Variants in ZRANB3 observed in about 807,000 individuals in gnomAD.
The protein encoded by ZRANB3 is DNA annealing helicase and endonuclease ZRANB3.
A neutral mutation model predicts 133.8 loss-of-function variants in ZRANB3; 125 were observed. The observed-to-expected ratio is 0.93, with a 90% CI of 0.81 to 1.08. The LOEUF (loss-of-function observed/expected upper bound fraction) is 1.08. Ranked by LOEUF, ZRANB3 falls within the 50% of genes least tolerant of loss-of-function variation. The pLI is 0.00. For synonymous variants in ZRANB3, 387 were observed against 432.7 expected (o/e 0.89, Z 1.31); for missense variants, 1,229 against 1,275.5 (o/e 0.96, Z 0.56).
chr2:135,509,939 A>C lies in ZRANB3; in HGVS notation c.-7-5443T>G, dbSNP rs563480895. Among the ~76,000 whole-genome samples, 3 of 152,324 alleles carry C rather than the reference A, an allele frequency of 2.0e-5. No homozygotes were observed. In the South Asian group the frequency reaches 6.2e-4, roughly 32 times the overall value. On this transcript the variant is annotated intron_variant, in intron 1 of 20. Transcript: ENST00000264159. ...CAAACCCACTGTAAAAACAGGTTTT[A>C]GAAGTGTTTCGTGATCCAATATCAA... is the stretch of plus-strand genomic sequence containing the variant.
rs1446607422 is a variant in ZRANB3, at chr2:135,407,403, T to C, written c.162-16583A>G. ...GTGAAAATGGCCATACTGCCCAAGG[T>C]AATTTATAGATTCAATGCCATCCCC... On this transcript the variant is annotated intron_variant, in intron 2 of 20. Transcript: ENST00000264159. Among the ~76,000 whole-genome samples, 3 of 151,638 alleles carry C rather than the reference T, an allele frequency of 2.0e-5. No individual in the cohort carries two copies. In the East Asian group the frequency reaches 5.8e-4, roughly 29 times the overall value.
At chr2:135,227,446 T>C (rs1694798065) in intron 14 of ZRANB3, among the ~76,000 whole-genome samples, 1 of 152,248 alleles carries the variant, frequency 6.6e-6, no homozygotes, top group African/African-American at 2.4e-5. Flanking sequence ...ATTAATGATA[T>C]GCTAAGTGTT....
intron 2 of ZRANB3, among the ~76,000 whole-genome samples, chr2:135,457,988 T>C (rs540605917): frequency 2.0e-5 from 3 of 152,264 alleles, no homozygotes; most frequent in Non-Finnish European, 4.4e-5. Context: ...CACTGTCTCC[T>C]ACCAAGTCAC....
chr2:135,394,586 A>G (rs1233235333), intron 2 of ZRANB3, among the ~76,000 whole-genome samples: 1 of 152,168 alleles, frequency 6.6e-6, no homozygotes, highest in African/African-American at 2.4e-5. Flanking sequence ...GGAAAAGAGG[A>G]GATGTTAACT....
chr2:135,275,741 C>T lies in ZRANB3; in HGVS notation c.981G>A (p.Lys327=). The stretch of plus-strand genomic sequence containing the variant: ...TCTGAAGCATCATCTTAATATAATC[C>T]TTTACAGCACCTGCCTAAATATTAA... The part of the protein sequence containing the change: ...QTAIAKAGAV[K]DYIKMMLQND... The change falls in exon 9 of 21, where the codon AAG becomes AAA. Residue 327 remains lysine, a synonymous_variant. Transcript: ENST00000264159. 3 of 1,575,558 alleles carry T rather than the reference C, an allele frequency of 1.9e-6. No individual in the cohort carries two copies. The South Asian group carries it at 3.6e-5, about 19-fold the overall frequency.
chr2:135,219,058 T>G lies in ZRANB3; in HGVS notation c.2352+19A>C. The G allele has an allele frequency of 7.2e-7, 1 of 1,394,778 alleles. No individual in the cohort carries two copies. The highest frequency in any genetic ancestry group is 9.4e-7 in the Non-Finnish European group (1 of 1,059,754). 86.4% of individuals were successfully genotyped at this position (1,394,778 alleles called of 1,614,324 possible). The stretch of plus-strand genomic sequence containing the variant: ...TTATTTAAAGTAAATAAAGCCATTT[T>G]ATTTAAAACTATTCTTACCAGTGAG... On this transcript the variant is annotated intron_variant, in intron 16 of 20. Coordinates refer to ENST00000264159, the MANE Select transcript of ZRANB3 (RefSeq NM_032143.4).
chr2:135,327,904 T>C (rs1436565783), intron 6 of ZRANB3, among the ~76,000 whole-genome samples: 1 of 152,192 alleles, frequency 6.6e-6, no homozygotes, highest in Non-Finnish European at 1.5e-5. Flanking sequence ...AGTATTGTGA[T>C]AAAGACATAT....
intron 2 of ZRANB3, among the ~76,000 whole-genome samples, chr2:135,414,090 T>A (rs936352877): frequency 2.6e-5 from 4 of 151,458 alleles, no homozygotes; most frequent in Non-Finnish European, 5.9e-5. Flanking sequence ...CAGGATCAAA[T>A]TCACACATAA....
At chr2:135,236,200 A>G (rs1305604387) in intron 12 of ZRANB3, among the ~76,000 whole-genome samples, 1 of 152,332 alleles carries the variant, frequency 6.6e-6, no homozygotes, top group East Asian at 1.9e-4. Context: ...TGCTTCAAAG[A>G]GAATAAAATA....
At chr2:135,366,699 A>G (rs950768914) in intron 3 of ZRANB3, among the ~76,000 whole-genome samples, 18 of 152,232 alleles carry the variant, frequency 1.2e-4, no homozygotes, top group African/African-American at 4.3e-4. Flanking sequence ...AAAACTATCA[A>G]TTCTTGTAAG....
At chr2:135,466,200 T>C (rs934363021) in intron 2 of ZRANB3, among the ~76,000 whole-genome samples, 1 of 151,802 alleles carries the variant, frequency 6.6e-6, no homozygotes, top group Non-Finnish European at 1.5e-5. Flanking sequence ...CTGGCCAACA[T>C]GGTGAAACAT....
intron 2 of ZRANB3, among the ~76,000 whole-genome samples, chr2:135,478,444 C>T (rs963534100): frequency 6.6e-6 from 1 of 152,104 alleles, no homozygotes; most frequent in Admixed American, 6.5e-5. Context: ...CCACTGAATG[C>T]TATGCTGGCC....
chr2:135,419,063 G>A (rs983301452), intron 2 of ZRANB3, among the ~76,000 whole-genome samples: 29 of 146,052 alleles, frequency 2.0e-4, no homozygotes, highest in African/African-American at 6.2e-4. Flanking sequence ...TCAGCCTCCC[G>A]AGTAGCTGGG....
intron 2 of ZRANB3, among the ~76,000 whole-genome samples, chr2:135,494,069 T>C (rs916159141): frequency 1.4e-5 from 2 of 146,962 alleles, no homozygotes; most frequent in Non-Finnish European, 3.0e-5. Flanking sequence ...GAAGGATGGA[T>C]GGATGGGAAG....
At position 135,245,926 on chromosome 2, in the gene ZRANB3, C is replaced by CAAAAAAAAAAA. The variant is rs1177438717; in HGVS notation, c.1540-15010_1540-15000dup. Among the ~76,000 whole-genome samples, 74 of 19,550 alleles carry CAAAAAAAAAAA rather than the reference C, an allele frequency of 3.8e-3. 9 individuals are homozygous for CAAAAAAAAAAA. The highest frequency in any genetic ancestry group is 0.011 in the African/African-American group (37 of 3,504). 12.8% of individuals were successfully genotyped at this position (19,550 alleles called of 152,430 possible). A position where few individuals can be genotyped will look rare whatever the true frequency, so the allele number is the denominator to read the frequency against. Reference sequence around the variant, plus strand: ...GGGCAACGAGATTGAAACTCCGTCTCAAAAAAAAAAAAAAAAAAAAAAGAG... The same window carrying CAAAAAAAAAAA: ...GGGCAACGAGATTGAAACTCCGTCTCAAAAAAAAAAAAAAAAAAAAAAAAAAAAAAAAAGAG... On this transcript the variant is annotated intron_variant, in intron 12 of 20. Transcript: ENST00000264159.
At chr2:135,234,072 A>G (rs1695171636) in intron 12 of ZRANB3, among the ~76,000 whole-genome samples, 1 of 152,222 alleles carries the variant, frequency 6.6e-6, no homozygotes, top group South Asian at 2.1e-4. Context: ...AGACACGCAT[A>G]GGCTCAAAAT....
intron 8 of ZRANB3, among the ~76,000 whole-genome samples, chr2:135,297,919 ATATCC>A: frequency 3.3e-5 from 5 of 152,050 alleles, no homozygotes; most frequent in Admixed American, 3.3e-4. Flanking sequence ...TTTTTTGTCC[ATATCC>A]TGTATTGTTT....
intron 8 of ZRANB3, among the ~76,000 whole-genome samples, chr2:135,312,041 C>A (rs1033454466): frequency 2.0e-5 from 3 of 151,832 alleles, no homozygotes; most frequent in Admixed American, 2.0e-4. Context: ...ACAGGAATAT[C>A]TCTATTTTCA....
intron 8 of ZRANB3, among the ~76,000 whole-genome samples, chr2:135,300,385 C>A (rs114454588): frequency 0.01 from 1,523 of 152,220 alleles, 23 homozygotes; most frequent in African/African-American, 0.035. Context: ...AAACCATCAT[C>A]AGGTGGCTTT....
Sources: gnomAD v4.1 joint callset for allele counts (sites outside exome capture counted in the v4.1 genomes callset) on GRCh38, gnomAD v4.1.1 for gene constraint, MANE v1.5 for transcripts, NCBI Gene and HGNC (gene_info 2026-07-23, HGNC 2026-07-21) for gene names.